The following TTLL5 variants were observed in gnomAD, a reference collection of about 807,000 sequenced individuals.
TTLL5 encodes tubulin polyglutamylase TTLL5.
TTLL5 carries 132 observed loss-of-function variants against 168.4 expected under a neutral mutation model. The ratio of observed to expected loss-of-function variants is 0.78; its 90% CI spans 0.68 to 0.91. TTLL5 has a LOEUF of 0.91. TTLL5 is among the 40% of genes least tolerant of loss of function. The pLI, the probability that TTLL5 is intolerant of heterozygous loss-of-function variation, is 0.00. For synonymous variants in TTLL5, 546 were observed against 558.6 expected (o/e 0.98, Z 0.32); for missense variants, 1,545 against 1,581.5 (o/e 0.98, Z 0.39).
At chr14:75,925,717 T>C (rs967138246) in intron 31 of TTLL5, among the ~76,000 whole-genome samples, 2 of 151,802 alleles carry the variant, frequency 1.3e-5, no homozygotes, top group Non-Finnish European at 2.9e-5. Context: ...AGGTGGAGGT[T>C]GTAGCAAGCC....
At chr14:75,812,112 T>A (rs918286213) in intron 27 of TTLL5, among the ~76,000 whole-genome samples, 6 of 152,138 alleles carry the variant, frequency 3.9e-5, no homozygotes, top group African/African-American at 1.4e-4. Flanking sequence ...AAACAGTGAT[T>A]TGGTACTAAA....
intron 31 of TTLL5, among the ~76,000 whole-genome samples, chr14:75,950,839 A>G (rs2034939792): frequency 6.6e-6 from 1 of 152,064 alleles, no homozygotes; most frequent in African/African-American, 2.4e-5. Context: ...CTGGTGGCAC[A>G]CGCCTGTGGT....
chr14:75,719,194 C>CA (rs559745273), intron 10 of TTLL5, among the ~76,000 whole-genome samples: 1 of 152,056 alleles, frequency 6.6e-6, no homozygotes, highest in Non-Finnish European at 1.5e-5. Flanking sequence ...AGTGTTACCT[C>CA]AAAAAAATCA....
Position 75,745,477 on chromosome 14 carries a change from AT to A in TTLL5, c.1396-8del. The A allele has an allele frequency of 6.2e-7, 1 of 1,613,566 alleles. No individual in the cohort carries two copies. The highest frequency in any genetic ancestry group is 8.5e-7 in the Non-Finnish European group (1 of 1,179,684). ...TCAAAATAGGTACTCATTTTATCTT[AT>A]TTTTCATCTAGATCAAAGTTTTACG... On this transcript the variant is annotated splice_polypyrimidine_tract_variant and intron_variant, in intron 16 of 31. Coordinates refer to ENST00000298832, the MANE Select transcript of TTLL5 (RefSeq NM_015072.5).
intron 20 of TTLL5, among the ~76,000 whole-genome samples, chr14:75,766,673 CAGAG>C (rs1429735245): frequency 6.6e-6 from 1 of 152,062 alleles, no homozygotes; most frequent in Admixed American, 6.5e-5. Context: ...GTATCAGAGA[CAGAG>C]AGCTCAGGCC....
intron 20 of TTLL5, among the ~76,000 whole-genome samples, chr14:75,769,516 T>C (rs1891155079): frequency 6.6e-6 from 1 of 152,182 alleles, no homozygotes; most frequent in Non-Finnish European, 1.5e-5. Flanking sequence ...ATTCGTGACG[T>C]TTATGGAAAT....
chr14:75,699,513 C>G (rs899468285), intron 7 of TTLL5, among the ~76,000 whole-genome samples: 4 of 152,142 alleles, frequency 2.6e-5, no homozygotes, highest in African/African-American at 7.2e-5. Context: ...GGAGGGCAAC[C>G]TGTTGTGTCA....
chr14:75,771,747 C>G lies in TTLL5; in HGVS notation c.2029C>G (p.Arg677Gly). 6.2e-7 allele frequency: 1 copy of G among 1,613,742 alleles called. No individual in the cohort carries two copies. Among genetic ancestry groups the G allele is most frequent in the Admixed American group, 1.7e-5 (1 of 59,976 alleles). The change falls in exon 21 of 32, where the codon CGA becomes GGA. Residue 677 changes from arginine (R) to glycine (G), a missense_variant. Physicochemically the swap from Arg to Gly is moderately radical, Grantham distance 125. Transcript: ENST00000298832. The stretch of plus-strand genomic sequence containing the variant: ...GGATTTCTATAGCAAAATGCAGGCC[C>G]GAATAGCATTCTCTGCCTATCTCCA... ...DNGNLSKMQA[R>G]IAFSAYLQHV... is the part of the protein sequence containing the mutation.
intron 27 of TTLL5, among the ~76,000 whole-genome samples, chr14:75,817,496 C>T (rs1408341694): frequency 6.6e-6 from 1 of 152,126 alleles, no homozygotes; most frequent in Admixed American, 6.5e-5. Context: ...TGTAAAGACA[C>T]AGTCCTGAGT....
At chr14:75,877,141 C>T (rs750768103) in intron 29 of TTLL5, among the ~76,000 whole-genome samples, 2 of 152,120 alleles carry the variant, frequency 1.3e-5, no homozygotes, top group South Asian at 2.1e-4. Context: ...TAGAGAGTAG[C>T]GTTTGCCTAC....
chr14:75,667,515 T>C (rs1385451962), intron 2 of TTLL5, among the ~76,000 whole-genome samples: 2 of 152,282 alleles, frequency 1.3e-5, no homozygotes, highest in East Asian at 1.9e-4. Context: ...TCCTTCCTGC[T>C]AAAAAAGGTA....
At chr14:75,826,020 T>C (rs1895109587) in intron 28 of TTLL5, among the ~76,000 whole-genome samples, 1 of 151,722 alleles carries the variant, frequency 6.6e-6, no homozygotes, top group Non-Finnish European at 1.5e-5. Context: ...GGCTTCTGCC[T>C]AATAAAGGAA....
chr14:75,907,599 C>G (rs1197154307), intron 31 of TTLL5, among the ~76,000 whole-genome samples: 7 of 152,214 alleles, frequency 4.6e-5, no homozygotes, highest in Non-Finnish European at 4.4e-5. Flanking sequence ...TACATTGGAT[C>G]AGCAAGCTTC....
chr14:75,706,901 C>A, intron 7 of TTLL5, 117 bp from the exon 8 acceptor site: 1 of 827,826 alleles, frequency 1.2e-6, no homozygotes, highest in Non-Finnish European at 1.9e-6. Context: ...GAAACTTTAA[C>A]CAGAATTTTA....
At chr14:75,791,376 C>T (rs1892715079) in intron 26 of TTLL5, among the ~76,000 whole-genome samples, 1 of 152,026 alleles carries the variant, frequency 6.6e-6, no homozygotes, top group Non-Finnish European at 1.5e-5. Flanking sequence ...AAATGAATGA[C>T]TTTCAGCTGT....
intron 28 of TTLL5, among the ~76,000 whole-genome samples, chr14:75,851,194 A>C (rs1048195809): frequency 8.6e-5 from 13 of 152,008 alleles, no homozygotes; most frequent in African/African-American, 3.1e-4. Flanking sequence ...ATGAAAAAGC[A>C]GGTTATAAAG....
At chr14:75,773,843 T>C (rs1891486352) in intron 21 of TTLL5, among the ~76,000 whole-genome samples, 2 of 139,282 alleles carry the variant, frequency 1.4e-5, no homozygotes, top group South Asian at 4.5e-4. Context: ...TGAGCTGAGA[T>C]CACACCACTG....
At chr14:75,917,255 G>A (rs184241251) in intron 31 of TTLL5, among the ~76,000 whole-genome samples, 1 of 152,322 alleles carries the variant, frequency 6.6e-6, no homozygotes, top group Admixed American at 6.5e-5. Context: ...CCCAGATTAG[G>A]TGTTTTTGTT....
chr14:75,905,556 A>T (rs1056454796), intron 31 of TTLL5, among the ~76,000 whole-genome samples: 1 of 152,198 alleles, frequency 6.6e-6, no homozygotes, highest in African/African-American at 2.4e-5. Context: ...CAGGCTTTAT[A>T]TTAGTAGTTT....
Sources: gnomAD v4.1 joint callset for allele counts (sites outside exome capture counted in the v4.1 genomes callset) on GRCh38, gnomAD v4.1.1 for gene constraint, MANE v1.5 for transcripts, NCBI Gene and HGNC (gene_info 2026-07-23, HGNC 2026-07-21) for gene names.